MAP2K2: variants seen among roughly 807,000 people sequenced by gnomAD.
MAP2K2 encodes mitogen-activated protein kinase kinase 2, also known as dual specificity mitogen-activated protein kinase kinase 2.
In MAP2K2, 24 loss-of-function variants were observed where a neutral mutation model predicts 43.7. The ratio of observed to expected loss-of-function variants is 0.55; its 90% CI spans 0.40 to 0.77. MAP2K2 has a LOEUF of 0.77. Ranked by LOEUF, MAP2K2 falls within the 30% of genes least tolerant of loss-of-function variation. The probability of loss-of-function intolerance (pLI) is 0.00; values close to 1 mark genes in which losing one functional copy is unlikely to be tolerated. For missense variants in MAP2K2, 470 were observed against 566.8 expected (o/e 0.83, Z 1.73); for synonymous variants, 244 against 239.7 (o/e 1.02, Z -0.17).
intron 1 of MAP2K2, among the ~76,000 whole-genome samples, chr19:4,120,950 C>T (rs1448058357): frequency 4.6e-5 from 7 of 150,970 alleles, no homozygotes; most frequent in Admixed American, 1.3e-4. Flanking sequence ...TCACAGAAGG[C>T]CGACCCCCAA....
intron 3 of MAP2K2, among the ~76,000 whole-genome samples, chr19:4,106,641 C>T (rs1244380887): frequency 1.3e-5 from 2 of 152,062 alleles, no homozygotes; most frequent in African/African-American, 4.8e-5. Context: ...CTCTTGACCT[C>T]GTGATCCGCC....
At chr19:4,111,518 G>A (rs1364200262) in intron 2 of MAP2K2, among the ~76,000 whole-genome samples, 1 of 152,158 alleles carries the variant, frequency 6.6e-6, no homozygotes, top group Non-Finnish European at 1.5e-5. Flanking sequence ...ACACCCCGTG[G>A]AGACGTTAGC....
intron 3 of MAP2K2, among the ~76,000 whole-genome samples, chr19:4,105,821 G>A (rs1362212556): frequency 1.3e-5 from 2 of 151,968 alleles, no homozygotes; most frequent in African/African-American, 4.8e-5. Flanking sequence ...GTACAGGCGC[G>A]CCACCATGTC....
chr19:4,117,338 G>A lies in MAP2K2; in HGVS notation c.303+81C>T, dbSNP rs148965154. The stretch of plus-strand genomic sequence containing the variant: ...GGAGCTAATCAGAATGCAGAGACCC[G>A]GCTGCCTTCCCAACCTGCCTCCTGT... On this transcript the variant is annotated intron_variant, in intron 2 of 10. Transcript: ENST00000262948. 9.8e-4 allele frequency: 1,303 copies of A among 1,331,454 alleles called. 21 individuals are homozygous for A. In the East Asian group the frequency reaches 0.028, roughly 29 times the overall value. The allele number at this position is 1,331,454 out of a possible 1,614,324, so 82.5% of individuals were successfully genotyped here.
chr19:4,112,956 A>C (rs1241697007), intron 2 of MAP2K2, among the ~76,000 whole-genome samples: 2 of 152,184 alleles, frequency 1.3e-5, no homozygotes, highest in Non-Finnish European at 2.9e-5. Context: ...GAGCCCTTGA[A>C]GCTTGGTGCG....
At position 4,101,311 on chromosome 19, in the gene MAP2K2, C is replaced by G. The variant is rs2041007610; in HGVS notation, c.529-31G>C. 1.3e-6 allele frequency: 2 copies of G among 1,563,768 alleles called. No individual in the cohort carries two copies. The highest frequency in any genetic ancestry group is 1.7e-6 in the Non-Finnish European group (2 of 1,154,458). On this transcript the variant is annotated intron_variant, in intron 4 of 10. Transcript: ENST00000262948. This position sits in a 1 kb window ranked among gnomAD's most constrained non-coding sequence, Gnocchi z 6.3. The stretch of plus-strand genomic sequence containing the variant: ...GGGGAGCGCGGAGGGAGTCACGGGA[C>G]AAGGCCACCAGGGCTTAGCTCCTGA...
chr19:4,112,445 G>A lies in MAP2K2; in HGVS notation c.304-1790C>T, dbSNP rs1008450097. 3.3e-5 allele frequency among the ~76,000 whole-genome samples: 5 copies of A among 152,218 alleles called. No homozygotes were observed. In the East Asian group the frequency reaches 5.8e-4, roughly 18 times the overall value. ...GAGGGACAAAGAGCCGCCTGTCAGC[G>A]GGCACGGAGGCATGAAGGAGCCCTC... is the stretch of plus-strand genomic sequence containing the variant. On this transcript the variant is annotated intron_variant, in intron 2 of 10. Transcript: ENST00000262948.
intron 10 of MAP2K2, among the ~76,000 whole-genome samples, chr19:4,092,661 G>A (rs2040865371): frequency 6.6e-6 from 1 of 152,138 alleles, no homozygotes. Context: ...GAGAGGCACA[G>A]TCTCACCATG....
At chr19:4,095,711 C>T (rs2040909231) in intron 8 of MAP2K2, among the ~76,000 whole-genome samples, 1 of 152,232 alleles carries the variant, frequency 6.6e-6, no homozygotes. Flanking sequence ...TCACTTGCTT[C>T]CTTCCCCAGT....
rs986436134 is a variant in MAP2K2 at position 4,090,759 on chromosome 19, C to T, written c.1093-51G>A. The T allele has an allele frequency of 2.5e-5, 32 of 1,261,124 alleles. No homozygotes were observed. In the African/African-American group the frequency reaches 3.1e-4, roughly 12 times the overall value. 78.1% of individuals were successfully genotyped at this position (1,261,124 alleles called of 1,614,324 possible). A position where few individuals can be genotyped will look rare whatever the true frequency, so the allele number is the denominator to read the frequency against. On this transcript the variant is annotated intron_variant, in intron 10 of 10. Coordinates refer to ENST00000262948, the MANE Select transcript of MAP2K2 (RefSeq NM_030662.4). ...ACCCGGGCCTGGAGTCACAGTAGGA[C>T]GGGGAGGGCCAGCGTCTGCCCAGCC...
At chr19:4,116,225 C>T (rs770725216) in intron 2 of MAP2K2, among the ~76,000 whole-genome samples, 3 of 152,202 alleles carry the variant, frequency 2.0e-5, no homozygotes, top group Admixed American at 6.5e-5. Flanking sequence ...AGCCAATCAG[C>T]TGAAGGCCTT....
At chr19:4,093,322 C>T (rs976729197) in intron 10 of MAP2K2, among the ~76,000 whole-genome samples, 3 of 152,086 alleles carry the variant, frequency 2.0e-5, no homozygotes, top group Non-Finnish European at 4.4e-5. Context: ...CACTTGAGCA[C>T]GGGAGTTGGG....
At chr19:4,122,650 G>A (rs1177941234) in intron 1 of MAP2K2, among the ~76,000 whole-genome samples, 15 of 146,116 alleles carry the variant, frequency 1.0e-4, no homozygotes, top group Admixed American at 1.0e-3. Context: ...TCCTTGGCCT[G>A]ATCTCACGAC....
intron 3 of MAP2K2, among the ~76,000 whole-genome samples, chr19:4,103,761 G>A (rs776262109): frequency 6.6e-6 from 1 of 152,210 alleles, no homozygotes; most frequent in Non-Finnish European, 1.5e-5. Flanking sequence ...AACCCAACAC[G>A]CTTTGAGACC....
At chr19:4,119,288 C>G (rs528444612) in intron 1 of MAP2K2, among the ~76,000 whole-genome samples, 70 of 152,190 alleles carry the variant, frequency 4.6e-4, no homozygotes, top group Middle Eastern at 3.4e-3. Context: ...GTGGTGTGAT[C>G]TTGGCTCACT....
chr19:4,112,081 T>C (rs1258382317), intron 2 of MAP2K2, among the ~76,000 whole-genome samples: 3 of 152,168 alleles, frequency 2.0e-5, no homozygotes, highest in African/African-American at 7.2e-5. Flanking sequence ...AGCCTGAGGC[T>C]TTGGGACGGC....
intron 3 of MAP2K2, among the ~76,000 whole-genome samples, chr19:4,108,445 G>A (rs1212073980): frequency 4.0e-5 from 6 of 150,318 alleles, no homozygotes; most frequent in African/African-American, 9.8e-5. Flanking sequence ...TAGTAGAGAC[G>A]GGGTTTCACC....
At chr19:4,097,205 TAAAAAAAA>T (rs10681431) in intron 8 of MAP2K2, 66 bp downstream of exon 8, 7 of 570,532 alleles carry the variant, frequency 1.2e-5, no homozygotes, top group East Asian at 4.1e-5. Context: ...AGACTCTGCC[TAAAAAAAA>T]AAAAAAAAAA....
At chr19:4,110,455 A>T (rs1464642921) in intron 3 of MAP2K2, 54 bp downstream of exon 3, 4 of 1,605,430 alleles carry the variant, frequency 2.5e-6, no homozygotes, top group East Asian at 4.5e-5. Flanking sequence ...CTTCTCCCCA[A>T]CATGCTCTGT....
Sources: allele counts gnomAD v4.1 joint callset (sites outside exome capture counted in the v4.1 genomes callset), GRCh38; gene constraint gnomAD v4.1.1; non-coding constraint Gnocchi (gnomAD v3.1); transcripts MANE v1.5; gene names NCBI Gene and HGNC (gene_info 2026-07-23, HGNC 2026-07-21).